Variants in DUOXA1 observed in about 807,000 individuals in gnomAD.
DUOXA1 encodes the protein dual oxidase maturation factor 1, also known as dual oxidase activator 1.
Under a neutral mutation model 26.6 loss-of-function variants are expected in DUOXA1, and 19 were observed. The ratio of observed to expected loss-of-function variants is 0.71; its 90% CI spans 0.50 to 1.05. The LOEUF is 1.05. DUOXA1 is among the 50% of genes least tolerant of loss of function. The probability of loss-of-function intolerance (pLI) is 0.00; values close to 1 mark genes in which losing one functional copy is unlikely to be tolerated. For synonymous variants in DUOXA1, 166 were observed against 177.0 expected, an observed-to-expected ratio of 0.94 and a Z score of 0.49; for missense variants, 403 against 427.5, an observed-to-expected ratio of 0.94 and a Z score of 0.51.
Position 45,117,429 on chromosome 15 carries a change from G to A in DUOXA1, c.*1677C>T. ...CCCTATTTGCCCCTCTCAATAGTTC[G>A]CAGAAACAGGCACTGTTATGACCAT... On this transcript the variant is annotated 3_prime_UTR_variant, in exon 9 of 9. Coordinates refer to ENST00000560572, the MANE Select transcript of DUOXA1 (RefSeq NM_001276266.2). The A allele has an allele frequency of 5.3e-6, 8 of 1,523,336 alleles. No individual in the cohort carries two copies. Among genetic ancestry groups the A allele is most frequent in the East Asian group, 4.9e-5 (2 of 40,614 alleles). 94.4% of individuals were successfully genotyped at this position (1,523,336 alleles called of 1,614,324 possible).
chr15:45,118,830 G>T lies in DUOXA1; in HGVS notation c.*276C>A. The T allele has an allele frequency of 8.6e-7, 1 of 1,162,204 alleles. No individual in the cohort carries two copies. Among genetic ancestry groups the T allele is most frequent in the Admixed American group, 4.4e-5 (1 of 22,872 alleles). The allele number at this position is 1,162,204 out of a possible 1,614,324, so 72.0% of individuals were successfully genotyped here. On this transcript the variant is annotated 3_prime_UTR_variant, in exon 9 of 9. Transcript: ENST00000560572. ...TTGAAGAGGCAAGGCAGCACGGAAAGGCTGGGTTGCTGTGCAGATAAGCTA... is the reference window on the plus strand; with the variant it reads ...TTGAAGAGGCAAGGCAGCACGGAAATGCTGGGTTGCTGTGCAGATAAGCTA...
At position 45,120,339 on chromosome 15, in the gene DUOXA1, G is replaced by A. The variant is rs754630018; in HGVS notation, c.555-19C>T. ...TGCCACCCTGGAGAGCCAGGACCCAGTGAGGACTGGCCCAGGTACTTCTAC... is the reference window on the plus strand; with the variant it reads ...TGCCACCCTGGAGAGCCAGGACCCAATGAGGACTGGCCCAGGTACTTCTAC... On this transcript the variant is annotated intron_variant, in intron 7 of 8. Coordinates refer to ENST00000560572, the MANE Select transcript of DUOXA1 (RefSeq NM_001276266.2). 1.2e-5 allele frequency: 20 copies of A among 1,613,284 alleles called. No individual in the cohort carries two copies. In the Admixed American group the frequency reaches 1.5e-4, roughly 12 times the overall value.
chr15:45,122,372 C>A, intron 4 of DUOXA1, 130 bp from the exon 5 acceptor site: 1 of 859,420 alleles, frequency 1.2e-6, no homozygotes, highest in South Asian at 1.4e-5. Context: ...ATCAGAGTGT[C>A]TGGCACATAA....
Position 45,118,051 on chromosome 15 carries a change from G to A in DUOXA1, c.*1055C>T. On this transcript the variant is annotated 3_prime_UTR_variant, in exon 9 of 9. Transcript: ENST00000560572. Reference sequence around the variant, plus strand: ...GCCTCGGACATCCGCAGGCACCAGGGAAAGTCTCCTGGGGCGATCTGTAAA... The same window carrying A: ...GCCTCGGACATCCGCAGGCACCAGGAAAAGTCTCCTGGGGCGATCTGTAAA... The A allele has an allele frequency of 5.0e-6, 8 of 1,588,958 alleles. No individual in the cohort carries two copies. Among genetic ancestry groups the A allele is most frequent in the Non-Finnish European group, 6.9e-6 (8 of 1,165,070 alleles).
chr15:45,128,177 T>C (rs1213843541), intron 3 of DUOXA1, among the ~76,000 whole-genome samples: 1 of 152,200 alleles, frequency 6.6e-6, no homozygotes. Flanking sequence ...GGAGTTCCTA[T>C]GTGTGTATGA....
At position 45,118,567 on chromosome 15, in the gene DUOXA1, G is replaced by C; in HGVS notation, c.*539C>G. On this transcript the variant is annotated 3_prime_UTR_variant, in exon 9 of 9. Coordinates refer to ENST00000560572, the MANE Select transcript of DUOXA1 (RefSeq NM_001276266.2). ...GGAACTGAAGCTCAAAGAGAATGTG[G>C]CATAGTTGGTTAATGTTAGACCTAG... 1.0e-6 allele frequency: 1 copy of C among 991,668 alleles called. No individual in the cohort carries two copies. The highest frequency in any genetic ancestry group is 1.2e-6 in the Non-Finnish European group (1 of 834,402). 61.4% of individuals were successfully genotyped at this position (991,668 alleles called of 1,614,324 possible). A position where few individuals can be genotyped will look rare whatever the true frequency, so the allele number is the denominator to read the frequency against.
intron 3 of DUOXA1, among the ~76,000 whole-genome samples, chr15:45,126,165 C>T (rs887872568): frequency 6.6e-6 from 1 of 152,194 alleles, no homozygotes; most frequent in Admixed American, 6.5e-5. Flanking sequence ...CCTCTCTTAC[C>T]TGGTTCCAAA....
At position 45,118,395 on chromosome 15, in the gene DUOXA1, A is replaced by C; in HGVS notation, c.*711T>G. On this transcript the variant is annotated 3_prime_UTR_variant, in exon 9 of 9. Transcript: ENST00000560572. ...GCTAGCCCAGCTGAGTGGGGTGGGA[A>C]GGAATAGCGTTTTGGAGTTGATTCC... is the stretch of plus-strand genomic sequence containing the variant. 1 of 1,070,680 alleles carries C rather than the reference A, an allele frequency of 9.3e-7. No individual in the cohort carries two copies. The allele number at this position is 1,070,680 out of a possible 1,614,324, so 66.3% of individuals were successfully genotyped here.
chr15:45,120,714 C>T lies in DUOXA1; in HGVS notation c.432G>A (p.Lys144=). 1 of 1,614,126 alleles carries T rather than the reference C, an allele frequency of 6.2e-7. No individual in the cohort carries two copies. Among genetic ancestry groups the T allele is most frequent in the Non-Finnish European group, 8.5e-7 (1 of 1,180,018 alleles). The change falls in exon 7 of 9, where the codon AAG becomes AAA. Residue 144 remains lysine (K), a synonymous_variant. Transcript: ENST00000560572. Reference sequence around the variant, plus strand: ...GGTCTGGCAGCCCCTTCTCCAGAGCCTTTGCATACTCCTCAGCATAGTTCT... The same window carrying T: ...GGTCTGGCAGCCCCTTCTCCAGAGCTTTTGCATACTCCTCAGCATAGTTCT... ...LGENYAEEYA[K]ALEKGLPDPV... is the part of the protein sequence containing the mutation.
chr15:45,124,654 T>G (rs1009204517), intron 3 of DUOXA1, among the ~76,000 whole-genome samples: 6 of 152,182 alleles, frequency 3.9e-5, no homozygotes, highest in East Asian at 3.9e-4. Flanking sequence ...GGATTACAAG[T>G]GCGGGTCATC....
At position 45,120,669 on chromosome 15, in the gene DUOXA1, C is replaced by T; in HGVS notation, c.477G>A (p.Glu159=). The T allele has an allele frequency of 6.2e-7, 1 of 1,614,152 alleles. No homozygotes were observed. Residue 159 remains glutamate (E), a synonymous_variant, in exon 7 of 9, where the codon GAG becomes GAA. Transcript: ENST00000560572. The stretch of plus-strand genomic sequence containing the variant: ...CACATGGGCTTCTTGGAGTGAACTT[C>T]TCAGCTAGGTACAACACAGGGTCTG... ...GLPDPVLYLA[E]KFTPRSPCGL...
In DUOXA1 at chr15:45,129,464, C is replaced by A. The variant is rs3784576; in HGVS notation, c.-151G>T. ...CCCAGCAGCTCCAGCGCAAACCTAG[C>A]GACGCAGTTCCGGGTCTGGCGGGGC... is the stretch of plus-strand genomic sequence containing the variant. On this transcript the variant is annotated 5_prime_UTR_variant, in exon 2 of 9. Transcript: ENST00000560572. The surrounding 1 kb of genome is among the most constrained non-coding windows in gnomAD (Gnocchi z 4.1). 6,652 of 153,224 alleles carry A rather than the reference C, an allele frequency of 0.043. 468 individuals are homozygous for A. Among genetic ancestry groups the A allele is most frequent in the East Asian group, 0.32 (1,646 of 5,130 alleles). The allele number at this position is 153,224 out of a possible 1,614,324, so 9.5% of individuals were successfully genotyped here.
Position 45,120,959 on chromosome 15 carries a change from T to C in DUOXA1, c.340+128A>G, listed in dbSNP as rs1029166241. On this transcript the variant is annotated intron_variant, in intron 6 of 8. Coordinates refer to ENST00000560572, the MANE Select transcript of DUOXA1 (RefSeq NM_001276266.2). ...TGAATTTCCCTTCCTACCATGCCTC[T>C]GACCTCCCACCTCACACATCCTCCC... 3 of 1,529,920 alleles carry C rather than the reference T, an allele frequency of 2.0e-6. No individual in the cohort carries two copies. In the African/African-American group the frequency reaches 4.1e-5, roughly 21 times the overall value. The allele number at this position is 1,529,920 out of a possible 1,614,324, so 94.8% of individuals were successfully genotyped here.
At position 45,119,225 on chromosome 15, in the gene DUOXA1, G is replaced by A. The variant is rs772024127; in HGVS notation, c.913C>T (p.Pro305Ser). 2 of 1,614,026 alleles carry A rather than the reference G, an allele frequency of 1.2e-6. No homozygotes were observed. Among genetic ancestry groups the A allele is most frequent in the Non-Finnish European group, 1.7e-6 (2 of 1,180,012 alleles). Reference protein sequence around the residue: ...WSPEEGGLLSPRYRSMADSPK... With the variant: ...WSPEEGGLLSSRYRSMADSPK... ...CTGTCAGCCATGGACCGGTAGCGGG[G>A]GCTCAGGAGTCCACCTTCCTCAGGA... The change falls in exon 9 of 9, where the codon CCC becomes TCC. Residue 305 changes from proline (P) to serine (S), a missense_variant. Pro to Ser is a moderately conservative substitution (Grantham distance 74). Transcript: ENST00000560572.
intron 3 of DUOXA1, 88 bp from the exon 4 acceptor site, chr15:45,123,131 G>T (rs946662320): frequency 1.5e-5 from 20 of 1,306,584 alleles, no homozygotes; most frequent in Non-Finnish European, 1.9e-5. Flanking sequence ...GAATGAGCCA[G>T]ACTAGGTTCC....
chr15:45,127,411 A>G (rs1240471078), intron 3 of DUOXA1, among the ~76,000 whole-genome samples: 1 of 152,252 alleles, frequency 6.6e-6, no homozygotes, highest in East Asian at 1.9e-4. Context: ...TTAAGTATAG[A>G]ACAATGTTAA....
At position 45,118,475 on chromosome 15, in the gene DUOXA1, C is replaced by T. The variant is rs1431376646; in HGVS notation, c.*631G>A. On this transcript the variant is annotated 3_prime_UTR_variant, in exon 9 of 9. Coordinates refer to ENST00000560572, the MANE Select transcript of DUOXA1 (RefSeq NM_001276266.2). ...GGTGTTTGAGGGCCAAGGTAGGTGT[C>T]AGCAAGGCATAGAAAGATAAATCCC... 9.9e-6 allele frequency: 10 copies of T among 1,006,174 alleles called. No individual in the cohort carries two copies. Among genetic ancestry groups the T allele is most frequent in the Non-Finnish European group, 1.2e-5 (10 of 843,906 alleles). 62.3% of individuals were successfully genotyped at this position (1,006,174 alleles called of 1,614,324 possible). A position where few individuals can be genotyped will look rare whatever the true frequency, so the allele number is the denominator to read the frequency against.
chr15:45,118,962 G>C lies in DUOXA1; in HGVS notation c.*144C>G, dbSNP rs569866625. The C allele has an allele frequency of 2.0e-5, 28 of 1,425,196 alleles. No homozygotes were observed. The highest frequency in any genetic ancestry group is 2.6e-4 in the Middle Eastern group (1 of 3,848). 88.3% of individuals were successfully genotyped at this position (1,425,196 alleles called of 1,614,324 possible). A position where few individuals can be genotyped will look rare whatever the true frequency, so the allele number is the denominator to read the frequency against. On this transcript the variant is annotated 3_prime_UTR_variant, in exon 9 of 9. Transcript: ENST00000560572. The stretch of plus-strand genomic sequence containing the variant: ...TTTTGTTTTTTAACATCAGTATATA[G>C]AGCCTCCTTTTTCTACTCCGTCTGT...
chr15:45,119,396 T>G (rs1324817146), intron 8 of DUOXA1, 31 bp from the exon 9 acceptor site: 1 of 1,576,674 alleles, frequency 6.3e-7, no homozygotes, highest in Non-Finnish European at 8.7e-7. Flanking sequence ...TGTCCCACCT[T>G]AGTGCTAGTA....
Sources: allele counts gnomAD v4.1 joint callset (sites outside exome capture counted in the v4.1 genomes callset), GRCh38; gene constraint gnomAD v4.1.1; non-coding constraint Gnocchi (gnomAD v3.1); transcripts MANE v1.5; gene names NCBI Gene and HGNC (gene_info 2026-07-23, HGNC 2026-07-21).